Variants in PLCE1 observed in about 807,000 individuals in gnomAD.
PLCE1 encodes the protein 1-phosphatidylinositol 4,5-bisphosphate phosphodiesterase epsilon-1.
Under a neutral mutation model 242.8 loss-of-function variants are expected in PLCE1, and 119 were observed. That is an observed-to-expected ratio of 0.49 (90% CI 0.42 to 0.57). The LOEUF is 0.57. Among genes scored for constraint, PLCE1 ranks in the 20% least tolerant of loss-of-function variants. The pLI is 0.00. For synonymous variants in PLCE1, 945 were observed against 1,017.4 expected, an observed-to-expected ratio of 0.93 and a Z score of 1.35; for missense variants, 2,441 against 2,788.8, an observed-to-expected ratio of 0.88 and a Z score of 2.81.
intron 1 of PLCE1, among the ~76,000 whole-genome samples, chr10:94,005,613 T>C (rs1308031592): frequency 6.6e-6 from 1 of 152,228 alleles, no homozygotes; most frequent in Non-Finnish European, 1.5e-5. Context: ...TAATTCTCAC[T>C]TCTGAGCTCC....
intron 12 of PLCE1, 38 bp downstream of exon 12, chr10:94,258,960 C>A (rs766686775): frequency 3.7e-6 from 6 of 1,613,846 alleles, no homozygotes; most frequent in Admixed American, 1.7e-5. Flanking sequence ...TTTCTCAGGC[C>A]CCCCCATTTC....
intron 4 of PLCE1, among the ~76,000 whole-genome samples, chr10:94,207,592 C>T (rs2049201964): frequency 6.7e-6 from 1 of 148,180 alleles, no homozygotes; most frequent in African/African-American, 2.5e-5. Flanking sequence ...GTCTAGGAAA[C>T]CTCAAAGCAA....
chr10:94,074,081 T>G (rs1355086559), intron 2 of PLCE1, among the ~76,000 whole-genome samples: 2 of 152,140 alleles, frequency 1.3e-5, no homozygotes, highest in African/African-American at 4.8e-5. Context: ...CCAATTTTTA[T>G]GTTTATTCAG....
intron 4 of PLCE1, among the ~76,000 whole-genome samples, chr10:94,181,872 A>G (rs1407193223): frequency 1.3e-5 from 2 of 152,214 alleles, no homozygotes; most frequent in Admixed American, 6.5e-5. Context: ...AGGTAGGATC[A>G]TGCCACTATA....
chr10:94,260,311 C>T (rs1372425023), intron 13 of PLCE1, among the ~76,000 whole-genome samples: 2 of 152,146 alleles, frequency 1.3e-5, no homozygotes, highest in Non-Finnish European at 2.9e-5. Flanking sequence ...AAGAATGTCT[C>T]ATTCTTCTAT....
chr10:94,088,862 C>A (rs1301425711), intron 2 of PLCE1, among the ~76,000 whole-genome samples: 2 of 152,074 alleles, frequency 1.3e-5, no homozygotes, highest in Non-Finnish European at 2.9e-5. Context: ...TCCAAGTAAT[C>A]CTAAATTTAC....
intron 2 of PLCE1, among the ~76,000 whole-genome samples, 195 bp from the exon 3 acceptor site, chr10:94,131,979 A>AC (rs768522555): frequency 1.1e-4 from 16 of 152,188 alleles, no homozygotes; most frequent in Admixed American, 2.6e-4. Context: ...CTATTTTATA[A>AC]CTACACAGAG....
At chr10:94,203,265 C>T (rs547183449) in intron 4 of PLCE1, among the ~76,000 whole-genome samples, 80 of 152,110 alleles carry the variant, frequency 5.3e-4, no homozygotes, top group Non-Finnish European at 1.1e-3. Flanking sequence ...CAACTGTGAC[C>T]CCCTCCTCCA....
intron 22 of PLCE1, among the ~76,000 whole-genome samples, chr10:94,285,842 G>A (rs994140795): frequency 1.3e-5 from 2 of 152,134 alleles, no homozygotes; most frequent in East Asian, 1.9e-4. Context: ...CCAATTGACC[G>A]TTTTTAGAAG....
chr10:94,012,386 A>G (rs1458756571), intron 1 of PLCE1, among the ~76,000 whole-genome samples: 1 of 151,896 alleles, frequency 6.6e-6, no homozygotes, highest in African/African-American at 2.4e-5. Context: ...AACAGGTGAC[A>G]CTCAAAAGAT....
intron 23 of PLCE1, among the ~76,000 whole-genome samples, chr10:94,294,702 G>C (rs1364718588): frequency 6.6e-6 from 1 of 152,154 alleles, no homozygotes; most frequent in African/African-American, 2.4e-5. Context: ...CCTGTAGCAA[G>C]TTGTAATATT....
At chr10:94,287,165 A>C (rs1233379594) in intron 22 of PLCE1, 13 of 152,326 alleles carry the variant, frequency 8.5e-5, no homozygotes, top group African/African-American at 2.9e-4. Context: ...GTTGTTTTTT[A>C]AAAGTGTTCA....
intron 19 of PLCE1, among the ~76,000 whole-genome samples, chr10:94,277,331 A>G (rs964632941): frequency 6.6e-6 from 1 of 152,190 alleles, no homozygotes; most frequent in Non-Finnish European, 1.5e-5. Context: ...TATGAGGGCC[A>G]GTCTCCTCAT....
chr10:94,270,655 G>A, intron 18 of PLCE1, 53 bp downstream of exon 18: 3 of 1,069,184 alleles, frequency 2.8e-6, no homozygotes, highest in Non-Finnish European at 2.9e-6. Context: ...TTTTGCAATT[G>A]TCATTGGGTT....
rs1254017065 is a variant in PLCE1 at position 94,306,937 on chromosome 10, T to C, written c.5884+249T>C. ...GTACAGCCTCACCCATGCTTGCTGA[T>C]GTCAGGAGCAGTGGTTGTTGCTACC... On this transcript the variant is annotated intron_variant, in intron 26 of 32. Transcript: ENST00000371380. This position sits in a 1 kb window ranked among gnomAD's most constrained non-coding sequence, Gnocchi z 5.7. Among the ~76,000 whole-genome samples the C allele has an allele frequency of 6.6e-6, 1 of 152,208 alleles. No individual in the cohort carries two copies. Among genetic ancestry groups the C allele is most frequent in the African/African-American group, 2.4e-5 (1 of 41,454 alleles).
chr10:94,294,593 C>A (rs2052745601), intron 23 of PLCE1, among the ~76,000 whole-genome samples: 1 of 152,116 alleles, frequency 6.6e-6, no homozygotes, highest in Non-Finnish European at 1.5e-5. Flanking sequence ...CTACACTATA[C>A]CATAGTCTAT....
intron 2 of PLCE1, 133 bp from the exon 3 acceptor site, chr10:94,132,041 A>G: frequency 1.3e-6 from 1 of 771,290 alleles, no homozygotes; most frequent in Non-Finnish European, 2.2e-6. Flanking sequence ...GCATGAGCCG[A>G]GTGCTCAGAG....
At chr10:94,301,504 C>A (rs1244895201) in intron 24 of PLCE1, among the ~76,000 whole-genome samples, 1 of 152,084 alleles carries the variant, frequency 6.6e-6, no homozygotes, top group Non-Finnish European at 1.5e-5. Context: ...AGCAGAGAAA[C>A]CCTCCCAGGG....
At chr10:94,008,796 G>T (rs1274803625) in intron 1 of PLCE1, among the ~76,000 whole-genome samples, 2 of 152,204 alleles carry the variant, frequency 1.3e-5, no homozygotes, top group African/African-American at 4.8e-5. Context: ...GGCACATAAG[G>T]AGAAAGGAGG....
Sources: gnomAD v4.1 joint callset for allele counts (sites outside exome capture counted in the v4.1 genomes callset) on GRCh38, gnomAD v4.1.1 for gene constraint, Gnocchi (gnomAD v3.1) non-coding constraint, MANE v1.5 for transcripts, NCBI Gene and HGNC (gene_info 2026-07-23, HGNC 2026-07-21) for gene names.